The following EPS8 variants were observed in gnomAD, a reference collection of about 807,000 sequenced individuals.
The protein encoded by EPS8 is epidermal growth factor receptor kinase substrate 8.
EPS8 carries 42 observed loss-of-function variants against 103.8 expected under a neutral mutation model. The observed-to-expected ratio is 0.40, with a 90% CI of 0.32 to 0.52. The LOEUF is 0.52. EPS8 is among the 20% of genes least tolerant of loss of function. The pLI is 0.40. For synonymous variants in EPS8, 344 were observed against 344.6 expected (o/e 1.00, Z 0.02); for missense variants, 969 against 1,005.1 (o/e 0.96, Z 0.49).
At position 15,734,887 on chromosome 12, in the gene EPS8, G is replaced by C. The variant is rs774302540; in HGVS notation, c.-21-51915C>G. 6.6e-6 allele frequency among the ~76,000 whole-genome samples: 1 copy of C among 152,110 alleles called. No homozygotes were observed. Among genetic ancestry groups the C allele is most frequent in the South Asian group, 2.1e-4 (1 of 4,822 alleles). ...ATTGATTCTTATAATATGTAAGCTG[G>C]AAGGTAAGCAGGGCCAACTGCCATA... On this transcript the variant is annotated intron_variant, in intron 1 of 20. Transcript: ENST00000281172. This position sits in a 1 kb window ranked among gnomAD's most constrained non-coding sequence, Gnocchi z 4.1.
chr12:15,663,948 AAT>A (rs58743830), intron 8 of EPS8, among the ~76,000 whole-genome samples: 2 of 49,412 alleles, frequency 4.0e-5, no homozygotes, highest in African/African-American at 1.2e-4. Context: ...AAAAAAAAAT[AAT>A]ATATATATAT....
intron 1 of EPS8, among the ~76,000 whole-genome samples, chr12:15,685,493 G>T (rs1460038796): frequency 3.9e-5 from 6 of 152,164 alleles, no homozygotes; most frequent in African/African-American, 1.4e-4. Context: ...AAAAGTGATA[G>T]CCACAGCATC....
chr12:15,768,184 A>T (rs1247969877), intron 1 of EPS8, among the ~76,000 whole-genome samples: 17 of 152,118 alleles, frequency 1.1e-4, no homozygotes, highest in Admixed American at 1.1e-3. Flanking sequence ...TCACGTTTGT[A>T]ATCCCAGCAC....
intron 18 of EPS8, among the ~76,000 whole-genome samples, chr12:15,627,439 A>G (rs1944968760): frequency 6.6e-6 from 1 of 152,258 alleles, no homozygotes. Flanking sequence ...CTTGTTGAAT[A>G]AATGAATGAA....
chr12:15,780,333 T>C lies in EPS8; in HGVS notation c.-22+8828A>G, dbSNP rs1163286761. The stretch of plus-strand genomic sequence containing the variant: ...CAACCTATTCCGCACATGTCAAACA[T>C]GCTCATCTTTCTACCTGGAGAGAGA... On this transcript the variant is annotated intron_variant, in intron 1 of 20. Transcript: ENST00000281172. This position sits in a 1 kb window ranked among gnomAD's most constrained non-coding sequence, Gnocchi z 4.1. Among the ~76,000 whole-genome samples, 1 of 151,998 alleles carries C rather than the reference T, an allele frequency of 6.6e-6. No individual in the cohort carries two copies. Among genetic ancestry groups the C allele is most frequent in the East Asian group, 1.9e-4 (1 of 5,194 alleles).
intron 1 of EPS8, among the ~76,000 whole-genome samples, chr12:15,775,091 AAAG>A (rs1265616507): frequency 2.0e-5 from 3 of 152,094 alleles, no homozygotes; most frequent in African/African-American, 7.2e-5. Flanking sequence ...TGGCCCCACT[AAAG>A]AAGGAGTCCA....
At position 15,778,247 on chromosome 12, in the gene EPS8, T is replaced by TA. The variant is rs1401877290; in HGVS notation, c.-22+10913dup. 6.6e-6 allele frequency among the ~76,000 whole-genome samples: 1 copy of TA among 152,162 alleles called. No homozygotes were observed. Among genetic ancestry groups the TA allele is most frequent in the Admixed American group, 6.5e-5 (1 of 15,284 alleles). ...TCAGAGGGTGATTTTCAACAATGAT[T>TA]AAAAACACTCTGACACACACTCTTC... On this transcript the variant is annotated intron_variant, in intron 1 of 20. Transcript: ENST00000281172. This position sits in a 1 kb window ranked among gnomAD's most constrained non-coding sequence, Gnocchi z 4.5.
At chr12:15,654,372 G>T in intron 12 of EPS8, 79 bp from the exon 13 acceptor site, 1 of 1,228,588 alleles carries the variant, frequency 8.1e-7, no homozygotes, top group Non-Finnish European at 1.2e-6. Flanking sequence ...AAAACCCATG[G>T]CAAAAACAAG....
intron 3 of EPS8, among the ~76,000 whole-genome samples, chr12:15,678,513 A>C (rs1591847457): frequency 6.6e-6 from 1 of 152,266 alleles, no homozygotes; most frequent in East Asian, 1.9e-4. Flanking sequence ...GCTCATTTTC[A>C]TTACAGTATA....
rs1030944661 is a variant in EPS8, at chr12:15,747,151, T to C, written c.-22+42010A>G. ...ATAAAGCCAACCTAGTAACCCTCAA[T>C]AATATATCCTATTTTTCTTGCTAGA... On this transcript the variant is annotated intron_variant, in intron 1 of 20. Coordinates refer to ENST00000281172, the MANE Select transcript of EPS8 (RefSeq NM_004447.6). The surrounding 1 kb of genome is among the most constrained non-coding windows in gnomAD (Gnocchi z 4.4). Among the ~76,000 whole-genome samples the C allele has an allele frequency of 9.2e-5, 14 of 152,202 alleles. No individual in the cohort carries two copies. Among genetic ancestry groups the C allele is most frequent in the Non-Finnish European group, 4.4e-5 (3 of 68,028 alleles).
intron 18 of EPS8, among the ~76,000 whole-genome samples, chr12:15,631,025 TTCTATGCA>T (rs1945036220): frequency 6.6e-6 from 1 of 152,202 alleles, no homozygotes; most frequent in South Asian, 2.1e-4. Flanking sequence ...AGTAGATGCT[TTCTATGCA>T]TTATCTCATT....
intron 14 of EPS8, among the ~76,000 whole-genome samples, chr12:15,647,630 A>G (rs1945342682): frequency 6.6e-6 from 1 of 152,236 alleles, no homozygotes; most frequent in South Asian, 2.1e-4. Context: ...TTTTTAAAAT[A>G]GCAGCACTAT....
chr12:15,670,104 C>T (rs953980378), intron 4 of EPS8, among the ~76,000 whole-genome samples: 1 of 152,162 alleles, frequency 6.6e-6, no homozygotes, highest in African/African-American at 2.4e-5. Flanking sequence ...AAAACAAATT[C>T]TTAACAGCTT....
chr12:15,635,524 A>G (rs1321228189), intron 17 of EPS8, among the ~76,000 whole-genome samples: 1 of 152,254 alleles, frequency 6.6e-6, no homozygotes, highest in Non-Finnish European at 1.5e-5. Context: ...CACTCTATCC[A>G]GCAGTAGCTA....
At chr12:15,629,244 T>C (rs1945001827) in intron 18 of EPS8, among the ~76,000 whole-genome samples, 1 of 152,210 alleles carries the variant, frequency 6.6e-6, no homozygotes, top group Admixed American at 6.5e-5. Flanking sequence ...CACTAGGTTA[T>C]TCTTGGTTTC....
chr12:15,775,713 T>C (rs1267737913), intron 1 of EPS8, among the ~76,000 whole-genome samples: 1 of 152,184 alleles, frequency 6.6e-6, no homozygotes, highest in African/African-American at 2.4e-5. Context: ...GTGTCTAACA[T>C]CACGCAGTCC....
intron 1 of EPS8, among the ~76,000 whole-genome samples, chr12:15,708,399 A>C (rs1416512905): frequency 6.6e-6 from 1 of 152,230 alleles, no homozygotes; most frequent in Non-Finnish European, 1.5e-5. Flanking sequence ...ATTTGTGGGA[A>C]AGAAATATTT....
At chr12:15,768,391 T>C (rs1221509202) in intron 1 of EPS8, among the ~76,000 whole-genome samples, 1 of 132,336 alleles carries the variant, frequency 7.6e-6, no homozygotes, top group Non-Finnish European at 1.5e-5. Context: ...TGAGCTGAGA[T>C]TACGCCACTG....
chr12:15,708,573 A>G (rs1027635204), intron 1 of EPS8, among the ~76,000 whole-genome samples: 1 of 152,232 alleles, frequency 6.6e-6, no homozygotes, highest in African/African-American at 2.4e-5. Flanking sequence ...GTGTGCATGT[A>G]CACTTTGTGT....
Sources: allele counts gnomAD v4.1 joint callset (sites outside exome capture counted in the v4.1 genomes callset), GRCh38; gene constraint gnomAD v4.1.1; non-coding constraint Gnocchi (gnomAD v3.1); transcripts MANE v1.5; gene names NCBI Gene and HGNC (gene_info 2026-07-23, HGNC 2026-07-21).